Variants in SLTM observed in about 807,000 individuals in gnomAD.
SLTM encodes SAFB like transcription modulator.
A neutral mutation model predicts 134.6 loss-of-function variants in SLTM; 43 were observed. The observed-to-expected ratio is 0.32, with a 90% CI of 0.25 to 0.41. The LOEUF (loss-of-function observed/expected upper bound fraction) is 0.41. SLTM is among the 10% of genes least tolerant of loss of function. SLTM has a pLI of 1.00. For synonymous variants in SLTM, 424 were observed against 432.3 expected (o/e 0.98, Z 0.24); for missense variants, 1,055 against 1,288.8 (o/e 0.82, Z 2.78).
chr15:58,912,003 C>T (rs956771845), intron 5 of SLTM, among the ~76,000 whole-genome samples: 5 of 151,662 alleles, frequency 3.3e-5, no homozygotes, highest in Non-Finnish European at 5.9e-5. Flanking sequence ...TTAGGTTTTA[C>T]AGAAAGGATG....
intron 5 of SLTM, among the ~76,000 whole-genome samples, chr15:58,911,952 T>A (rs1198124142): frequency 6.6e-6 from 1 of 152,034 alleles, no homozygotes; most frequent in Non-Finnish European, 1.5e-5. Flanking sequence ...AAGAAAAAAA[T>A]CAAGAAGAAT....
intron 5 of SLTM, among the ~76,000 whole-genome samples, chr15:58,902,087 G>C (rs2035523698): frequency 6.6e-6 from 1 of 152,104 alleles, no homozygotes; most frequent in South Asian, 2.1e-4. Flanking sequence ...GAGTCATAAA[G>C]GGAAGGGAGA....
At chr15:58,892,830 G>T in intron 14 of SLTM, 67 bp downstream of exon 14, 1 of 1,479,908 alleles carries the variant, frequency 6.8e-7, no homozygotes, top group Non-Finnish European at 9.2e-7. Flanking sequence ...CCAGAAATAT[G>T]GCTTACAACT....
Position 58,885,931 on chromosome 15 carries a change from C to A in SLTM, c.2835+1044G>T, listed in dbSNP as rs185876000. Among the ~76,000 whole-genome samples, 147 of 152,254 alleles carry A rather than the reference C, an allele frequency of 9.7e-4. 2 individuals carry two copies. The highest frequency in any genetic ancestry group is 2.6e-4 in the Non-Finnish European group (18 of 68,010). On this transcript the variant is annotated intron_variant, in intron 19 of 20. Coordinates refer to ENST00000380516, the MANE Select transcript of SLTM (RefSeq NM_024755.4). Reference sequence around the variant, plus strand: ...TATAATTTATGAAAGTATGTCCTAACTGTGCTACTATCAACCCACACGCCA... The same window carrying A: ...TATAATTTATGAAAGTATGTCCTAAATGTGCTACTATCAACCCACACGCCA...
chr15:58,901,341 T>C (rs2035474390), intron 5 of SLTM, 54 bp from the exon 6 acceptor site: 3 of 1,439,612 alleles, frequency 2.1e-6, no homozygotes, highest in Non-Finnish European at 1.9e-6. Context: ...AACTAGATTT[T>C]AGTAATAGTA....
chr15:58,893,972 GAC>G lies in SLTM; in HGVS notation c.1495_1496del (p.Val499GlnfsTer9). The part of the protein sequence containing the change: ...SDRSSKTQAS[V>X]KKEEKRSSEK... ...CAGACGATCTTTTCTCTTCTTTTTT[GAC>G]AGAGGCTTGTGTCCTGACCATACCG... On this transcript the variant is annotated frameshift_variant, in exon 12 of 21. Transcript: ENST00000380516. LOFTEE classifies it high-confidence loss of function. The G allele has an allele frequency of 6.2e-7, 1 of 1,603,896 alleles. No homozygotes were observed. The highest frequency in any genetic ancestry group is 8.5e-7 in the Non-Finnish European group (1 of 1,176,898).
intron 4 of SLTM, 91 bp downstream of exon 4, chr15:58,913,408 G>A (rs889690681): frequency 3.7e-6 from 4 of 1,084,378 alleles, no homozygotes; most frequent in Non-Finnish European, 5.1e-6. Flanking sequence ...TAAAAATTCT[G>A]AGACTTCCAA....
At chr15:58,905,654 G>A (rs188792751) in intron 5 of SLTM, among the ~76,000 whole-genome samples, 1 of 151,914 alleles carries the variant, frequency 6.6e-6, no homozygotes, top group East Asian at 1.9e-4. Context: ...TTGTTTTAGA[G>A]ATGCAAAACT....
In SLTM at chr15:58,916,990, T is replaced by C. The variant is rs1019085839; in HGVS notation, c.260A>G (p.His87Arg). The part of the protein sequence containing the change: ...KKPTKGKGKK[H>R]EADELSGDAS... ...ATCTCCACTCAACTCATCTGCTTCA[T>C]GTTTTTTACCTGCGAAAGAAGGAAA... Residue 87 changes from histidine to arginine, a missense_variant, in exon 3 of 21, where the codon CAT becomes CGT. Physicochemically the swap from His to Arg is conservative, Grantham distance 29. Coordinates refer to ENST00000380516, the MANE Select transcript of SLTM (RefSeq NM_024755.4). 2 of 1,613,750 alleles carry C rather than the reference T, an allele frequency of 1.2e-6. No homozygotes were observed. Among genetic ancestry groups the C allele is most frequent in the South Asian group, 2.2e-5 (2 of 91,066 alleles).
At chr15:58,929,278 G>A (rs1238461081) in intron 2 of SLTM, among the ~76,000 whole-genome samples, 5 of 152,020 alleles carry the variant, frequency 3.3e-5, no homozygotes, top group Non-Finnish European at 5.9e-5. Flanking sequence ...GGAGAAACCC[G>A]TCTCTACTAA....
Position 58,883,589 on chromosome 15 carries a change from G to C in SLTM, c.2996+37C>G, listed in dbSNP as rs377738667. The C allele has an allele frequency of 4.3e-5, 70 of 1,611,230 alleles. No homozygotes were observed. In the Middle Eastern group the frequency reaches 8.2e-4, roughly 19 times the overall value. Reference sequence around the variant, plus strand: ...ACTTTTATGGAAAGGATAAAGTGTTGGTTGTGTGCTGGCAGAAAAACTGGT... The same window carrying C: ...ACTTTTATGGAAAGGATAAAGTGTTCGTTGTGTGCTGGCAGAAAAACTGGT... On this transcript the variant is annotated intron_variant, in intron 20 of 20. Transcript: ENST00000380516.
intron 9 of SLTM, among the ~76,000 whole-genome samples, chr15:58,895,268 C>A (rs2034996040): frequency 1.3e-5 from 2 of 152,178 alleles, no homozygotes; most frequent in African/African-American, 4.8e-5. Context: ...TGAGTGTTAA[C>A]ACTTTTCTAT....
At chr15:58,893,412 G>T in intron 12 of SLTM, 48 bp from the exon 13 acceptor site, 1 of 1,323,612 alleles carries the variant, frequency 7.6e-7, no homozygotes, top group South Asian at 1.3e-5. Flanking sequence ...TTTTCATTGA[G>T]AAAGAAAATA....
At chr15:58,904,438 G>T (rs766054154) in intron 5 of SLTM, among the ~76,000 whole-genome samples, 2 of 152,080 alleles carry the variant, frequency 1.3e-5, no homozygotes. Flanking sequence ...ATACTAAAAA[G>T]CTCGGCCATA....
intron 14 of SLTM, 31 bp from the exon 15 acceptor site, chr15:58,890,492 A>C: frequency 1.9e-6 from 3 of 1,604,568 alleles, no homozygotes; most frequent in Non-Finnish European, 2.6e-6. Flanking sequence ...GAAATACTTA[A>C]ATTATGCTAG....
rs1440493413 is a variant in SLTM, at chr15:58,887,211, A to G, written c.2690+15T>C. ...CATGAGACCACTAGGAAAGCATTAC[A>G]TAGTACACAGCTACCTTGTTTCCCG... On this transcript the variant is annotated intron_variant, in intron 18 of 20. Coordinates refer to ENST00000380516, the MANE Select transcript of SLTM (RefSeq NM_024755.4). 1.2e-6 allele frequency: 2 copies of G among 1,613,198 alleles called. No homozygotes were observed. Among genetic ancestry groups the G allele is most frequent in the Non-Finnish European group, 1.7e-6 (2 of 1,179,456 alleles).
At chr15:58,925,773 A>G (rs1166436602) in intron 2 of SLTM, among the ~76,000 whole-genome samples, 1 of 152,152 alleles carries the variant, frequency 6.6e-6, no homozygotes, top group African/African-American at 2.4e-5. Flanking sequence ...ATTCCGGCAC[A>G]CTCCTTCAGG....
intron 5 of SLTM, among the ~76,000 whole-genome samples, chr15:58,906,844 T>C (rs1369430172): frequency 6.6e-6 from 1 of 152,258 alleles, no homozygotes; most frequent in Non-Finnish European, 1.5e-5. Context: ...TTGATTTTCA[T>C]GTATCTGAAG....
Position 58,887,072 on chromosome 15 carries a change from A to T in SLTM, c.2738T>A (p.Val913Glu), listed in dbSNP as rs374660181. ...ACGATTCCCAGGGGGAGCGCCTCTCACACTGTGCCCTGATACTTCTCTCCC... is the reference window on the plus strand; with the variant it reads ...ACGATTCCCAGGGGGAGCGCCTCTCTCACTGTGCCCTGATACTTCTCTCCC... ...RSGREVSGHS[V>E]RGAPPGNRSS... Residue 913 changes from valine (V) to glutamate (E), a missense_variant, in exon 19 of 21, where the codon GTG becomes GAG. By Grantham distance (121) the Val-to-Glu change is moderately radical. Coordinates refer to ENST00000380516, the MANE Select transcript of SLTM (RefSeq NM_024755.4). The T allele has an allele frequency of 1.9e-6, 3 of 1,613,886 alleles. No individual in the cohort carries two copies. The highest frequency in any genetic ancestry group is 1.1e-5 in the South Asian group (1 of 91,074).
Sources: allele counts gnomAD v4.1 joint callset (sites outside exome capture counted in the v4.1 genomes callset), GRCh38; gene constraint gnomAD v4.1.1; transcripts MANE v1.5; gene names NCBI Gene and HGNC (gene_info 2026-07-23, HGNC 2026-07-21).